Variants in MEST observed in about 807,000 individuals in gnomAD.
MEST encodes the protein mesoderm specific transcript, also known as mesoderm-specific transcript homolog protein.
In MEST, 18 loss-of-function variants were observed where a neutral mutation model predicts 50.9. The observed-to-expected ratio is 0.35, with a 90% CI of 0.24 to 0.52. The LOEUF is 0.52. MEST is among the 20% of genes least tolerant of loss of function. The probability of loss-of-function intolerance (pLI) is 0.94; values close to 1 mark genes in which losing one functional copy is unlikely to be tolerated. For synonymous variants in MEST, 130 were observed against 154.1 expected (o/e 0.84, Z 1.16); for missense variants, 282 against 425.3 (o/e 0.66, Z 2.96).
Position 130,495,401 on chromosome 7 carries a change from G to C in MEST, c.60G>C (p.Leu20=). Residue 20 remains leucine (L), a synonymous_variant, in exon 2 of 12, where the codon CTG becomes CTC. Coordinates refer to ENST00000223215, the MANE Select transcript of MEST (RefSeq NM_002402.4). ...AGTGGTGGGTCCAGGTGGGGCTGCT[G>C]GCCGTGCCCCTGCTTGCTGCGTACC... is the stretch of plus-strand genomic sequence containing the variant. ...MREWWVQVGL[L]AVPLLAAYLH... The C allele has an allele frequency of 6.2e-7, 1 of 1,612,982 alleles. No individual in the cohort carries two copies. The highest frequency in any genetic ancestry group is 8.5e-7 in the Non-Finnish European group (1 of 1,179,448).
intron 1 of MEST, chr7:130,494,533 A>G (rs1798965604): frequency 6.6e-6 from 1 of 152,212 alleles, no homozygotes; most frequent in Non-Finnish European, 1.5e-5. Context: ...CAAAGACAAA[A>G]TCAATTCTCA....
At chr7:130,487,791 C>T (rs901263223), upstream of MEST, 5 of 152,300 alleles carry the variant, frequency 3.3e-5, no homozygotes, top group African/African-American at 1.2e-4. Flanking sequence ...GGACTACAGG[C>T]ACACACCACT....
Position 130,498,663 on chromosome 7 carries a change from T to C in MEST, c.535+186T>C, listed in dbSNP as rs568412311. 4.8e-6 allele frequency: 3 copies of C among 624,918 alleles called. No individual in the cohort carries two copies. The East Asian group carries it at 8.2e-5, about 17-fold the overall frequency. The allele number at this position is 624,918 out of a possible 1,614,324, so 38.7% of individuals were successfully genotyped here. On this transcript the variant is annotated intron_variant, in intron 6 of 11. Coordinates refer to ENST00000223215, the MANE Select transcript of MEST (RefSeq NM_002402.4). Reference sequence around the variant, plus strand: ...AAGATTTATGGACCCTTTCTCAGAATGTTTTAAAATAAAGAAACAAACAGC... The same window carrying C: ...AAGATTTATGGACCCTTTCTCAGAACGTTTTAAAATAAAGAAACAAACAGC...
At chr7:130,501,162 CCTAT>C (rs749847380) in intron 9 of MEST, 44 of 290,838 alleles carry the variant, frequency 1.5e-4, no homozygotes, top group Admixed American at 2.5e-4. Flanking sequence ...CTTCCTTTTG[CCTAT>C]CTTTCTGCAG....
rs782446782 is a variant in MEST at position 130,500,459 on chromosome 7, C to T, written c.577-3C>T. Reference sequence around the variant, plus strand: ...AGCTTTACCTCCACTTATTCCCCTCCAGCTACTCAAAGATGGAGGTGTGCT... The same window carrying T: ...AGCTTTACCTCCACTTATTCCCCTCTAGCTACTCAAAGATGGAGGTGTGCT... On this transcript the variant is annotated splice_region_variant and splice_polypyrimidine_tract_variant and intron_variant, in intron 7 of 11. Transcript: ENST00000223215. The surrounding 1 kb of genome is among the most constrained non-coding windows in gnomAD (Gnocchi z 5.0). The T allele has an allele frequency of 2.1e-5, 34 of 1,613,320 alleles. No individual in the cohort carries two copies. The highest frequency in any genetic ancestry group is 2.8e-5 in the Non-Finnish European group (33 of 1,179,590).
At chr7:130,493,643 T>A (rs1381763590) in intron 1 of MEST, among the ~76,000 whole-genome samples, 1 of 152,134 alleles carries the variant, frequency 6.6e-6, no homozygotes, top group East Asian at 1.9e-4. Context: ...CCACTTTCCC[T>A]GAGCAGCGGC....
At chr7:130,501,007 T>C (rs1799257616) in intron 9 of MEST, 117 bp downstream of exon 9, 1 of 770,868 alleles carries the variant, frequency 1.3e-6, no homozygotes, top group Non-Finnish European at 2.1e-6. Flanking sequence ...TGATGACCTA[T>C]GGGGCAAACC....
In MEST at chr7:130,492,181, G is replaced by GGCGCGGCGCCGCCCT. The variant is rs1584937791; in HGVS notation, c.-126_-112dup. 1.7e-5 allele frequency: 11 copies of GGCGCGGCGCCGCCCT among 634,834 alleles called. No homozygotes were observed. The highest frequency in any genetic ancestry group is 1.1e-5 in the Non-Finnish European group (5 of 462,536). 39.3% of individuals were successfully genotyped at this position (634,834 alleles called of 1,614,324 possible). ...CACGCCGGAGTGGCTGTAGCTGCCC[G>GGCGCGGCGCCGCCCT]GCGCGGCGCCGCCCTGCGCGGGCTG... On this transcript the variant is annotated 5_prime_UTR_variant, in exon 1 of 12. Transcript: ENST00000223215. This position sits in a 1 kb window ranked among gnomAD's most constrained non-coding sequence, Gnocchi z 7.6.
intron 11 of MEST, 45 bp from the exon 12 acceptor site, chr7:130,504,894 C>T (rs782264746): frequency 2.0e-6 from 3 of 1,495,664 alleles, no homozygotes; most frequent in Admixed American, 3.3e-5. Context: ...TACATCCCTC[C>T]CGCTCCAGCC....
Position 130,498,177 on chromosome 7 carries a change from C to T in MEST, c.378C>T (p.Ile126=), listed in dbSNP as rs372332611. Residue 126 remains isoleucine, a synonymous_variant, in exon 5 of 12, where the codon ATC becomes ATT. Coordinates refer to ENST00000223215, the MANE Select transcript of MEST (RefSeq NM_002402.4). Reference sequence around the variant, plus strand: ...ATTCCATATTTGAGCAGGCCAGCATCGTGGAAGCGCTTTTGCGGCATCTGG... The same window carrying T: ...ATTCCATATTTGAGCAGGCCAGCATTGTGGAAGCGCTTTTGCGGCATCTGG... ...HHYSIFEQAS[I]VEALLRHLGL... is the part of the protein sequence containing the mutation. 53 of 1,614,048 alleles carry T rather than the reference C, an allele frequency of 3.3e-5. No individual in the cohort carries two copies. In the African/African-American group the frequency reaches 4.8e-4, roughly 15 times the overall value.
chr7:130,488,172 T>G (rs1798679959), upstream of MEST: 1 of 152,154 alleles, frequency 6.6e-6, no homozygotes. Context: ...GAAAAGACCT[T>G]GCAGGTCATT....
chr7:130,489,758 C>T (rs553177427), upstream of MEST: 13 of 152,324 alleles, frequency 8.5e-5, no homozygotes, highest in South Asian at 2.1e-4. Context: ...GGATTTCTCC[C>T]GAGTGCCAGA....
Position 130,492,195 on chromosome 7 carries a change from C to G in MEST, c.-119C>G. 1.2e-6 allele frequency: 1 copy of G among 856,526 alleles called. No individual in the cohort carries two copies. The highest frequency in any genetic ancestry group is 1.5e-6 in the Non-Finnish European group (1 of 659,898). The allele number at this position is 856,526 out of a possible 1,614,324, so 53.1% of individuals were successfully genotyped here. On this transcript the variant is annotated 5_prime_UTR_variant, in exon 1 of 12. Coordinates refer to ENST00000223215, the MANE Select transcript of MEST (RefSeq NM_002402.4). The surrounding 1 kb of genome is among the most constrained non-coding windows in gnomAD (Gnocchi z 7.6). ...TGTAGCTGCCCGGCGCGGCGCCGCC[C>G]TGCGCGGGCTGTGGGCTGCGGGCTG...
In MEST at chr7:130,495,505, T is replaced by G. The variant is rs1799011454; in HGVS notation, c.164T>G (p.Leu55Arg). 6.2e-7 allele frequency: 1 copy of G among 1,613,964 alleles called. No individual in the cohort carries two copies. Among genetic ancestry groups the G allele is most frequent in the Admixed American group, 1.7e-5 (1 of 59,982 alleles). Reference protein sequence around the residue: ...SSGKFFTYKGLRIFYQDSVGV... With the variant: ...SSGKFFTYKGRRIFYQDSVGV... The stretch of plus-strand genomic sequence containing the variant: ...GGCAAGTTTTTCACTTACAAGGGAC[T>G]GCGTATCTTCTACCAAGGTAAGAAG... The change falls in exon 2 of 12, where the codon CTG becomes CGG. Residue 55 changes from leucine to arginine, a missense_variant. By Grantham distance (102) the Leu-to-Arg change is moderately radical (BLOSUM62 -2). Transcript: ENST00000223215.
chr7:130,496,403 A>C (rs935761184), intron 2 of MEST: 21 of 318,414 alleles, frequency 6.6e-5, no homozygotes, highest in Non-Finnish European at 1.2e-4. Context: ...GCTAAAGTAT[A>C]TACAATTTTT....
chr7:130,500,170 G>C lies in MEST; in HGVS notation c.576+255G>C. On this transcript the variant is annotated intron_variant, in intron 7 of 11. Transcript: ENST00000223215. The surrounding 1 kb of genome is among the most constrained non-coding windows in gnomAD (Gnocchi z 5.0). ...AGAAATTACAGCTATGGAAAGATCT[G>C]TGTCACAAGCTTGATGTTTGAACAA... 1 of 553,692 alleles carries C rather than the reference G, an allele frequency of 1.8e-6. No individual in the cohort carries two copies. The highest frequency in any genetic ancestry group is 3.2e-6 in the Non-Finnish European group (1 of 316,984). 34.3% of individuals were successfully genotyped at this position (553,692 alleles called of 1,614,324 possible).
In MEST at chr7:130,503,882, T is replaced by G. The variant is rs782669580; in HGVS notation, c.827-51T>G. 5.1e-6 allele frequency: 7 copies of G among 1,360,026 alleles called. No individual in the cohort carries two copies. In the East Asian group the frequency reaches 1.6e-4, roughly 31 times the overall value. 84.2% of individuals were successfully genotyped at this position (1,360,026 alleles called of 1,614,324 possible). ...AGAGGAGTTAATTTTAGGGTGGGAG[T>G]AGAACAGATGTGAGAGCTGTTAAGT... On this transcript the variant is annotated intron_variant, in intron 10 of 11. Coordinates refer to ENST00000223215, the MANE Select transcript of MEST (RefSeq NM_002402.4).
chr7:130,502,632 C>A lies in MEST; in HGVS notation c.750-12C>A. 3.7e-6 allele frequency: 6 copies of A among 1,610,470 alleles called. No individual in the cohort carries two copies. The highest frequency in any genetic ancestry group is 5.1e-6 in the Non-Finnish European group (6 of 1,176,978). On this transcript the variant is annotated splice_polypyrimidine_tract_variant and intron_variant, in intron 9 of 11. Transcript: ENST00000223215. ...TTCTTGTTCTGCACATGCTGACTTACCTGTCCTACAGTCTCTTACAGTACA... is the reference window on the plus strand; with the variant it reads ...TTCTTGTTCTGCACATGCTGACTTAACTGTCCTACAGTCTCTTACAGTACA...
rs781942376 is a variant in MEST at position 130,498,496 on chromosome 7, G to A, written c.535+19G>A. On this transcript the variant is annotated intron_variant, in intron 6 of 11. Transcript: ENST00000223215. ...AATGGAGGTAATTGCCTTGGCGGTA[G>A]GTAGAAAGTGGGTGTAATCTAGAAG... The A allele has an allele frequency of 6.2e-6, 10 of 1,612,364 alleles. No homozygotes were observed. Among genetic ancestry groups the A allele is most frequent in the Non-Finnish European group, 8.5e-6 (10 of 1,178,520 alleles).
Sources: allele counts gnomAD v4.1 joint callset (sites outside exome capture counted in the v4.1 genomes callset), GRCh38; gene constraint gnomAD v4.1.1; non-coding constraint Gnocchi (gnomAD v3.1); transcripts MANE v1.5; gene names NCBI Gene and HGNC (gene_info 2026-07-23, HGNC 2026-07-21).